PGM2: variants seen among roughly 807,000 people sequenced by gnomAD.
The protein encoded by PGM2 is phosphopentomutase.
Under a neutral mutation model 74.6 loss-of-function variants are expected in PGM2, and 57 were observed. That is an observed-to-expected ratio of 0.76 (90% confidence interval 0.62 to 0.95). The LOEUF (loss-of-function observed/expected upper bound fraction) is 0.95. Among genes scored for constraint, PGM2 ranks in the 40% least tolerant of loss-of-function variants. The pLI is 0.00. For missense variants in PGM2, 706 were observed against 741.9 expected (o/e 0.95, Z 0.56); for synonymous variants, 273 against 260.7 (o/e 1.05, Z -0.46).
intron 6 of PGM2, among the ~76,000 whole-genome samples, chr4:37,841,237 C>T (rs181563137): frequency 5.7e-4 from 83 of 146,276 alleles, no homozygotes; most frequent in African/African-American, 2.0e-3. Context: ...TGGACACCTT[C>T]CTGTGTTAGT....
At chr4:37,838,263 C>T (rs961688526) in intron 4 of PGM2, among the ~76,000 whole-genome samples, 1 of 152,220 alleles carries the variant, frequency 6.6e-6, no homozygotes, top group Non-Finnish European at 1.5e-5. Context: ...AATCTGAATT[C>T]ACCTCAAACC....
At chr4:37,850,450 A>C in intron 12 of PGM2, 77 bp downstream of exon 12, 2 of 891,400 alleles carry the variant, frequency 2.2e-6, no homozygotes, top group Non-Finnish European at 3.2e-6. Context: ...TTATTTAACC[A>C]TACAATTAAT....
intron 6 of PGM2, among the ~76,000 whole-genome samples, chr4:37,841,092 A>ATGTGTG (rs571556915): frequency 2.5e-4 from 28 of 111,656 alleles, no homozygotes; most frequent in African/African-American, 1.1e-3. Flanking sequence ...ATATATATAT[A>ATGTGTG]TATATATATG....
At position 37,847,261 on chromosome 4, in the gene PGM2, G is replaced by A. The variant is rs973902645; in HGVS notation, c.1248G>A (p.Gly416=). The A allele has an allele frequency of 1.2e-6, 2 of 1,613,636 alleles. No individual in the cohort carries two copies. Among genetic ancestry groups the A allele is most frequent in the Non-Finnish European group, 8.5e-7 (1 of 1,179,570 alleles). ...GNRAKQLIDQ[G]KTVLFAFEEA... Reference sequence around the variant, plus strand: ...GAGCCAAACAGCTAATAGACCAGGGGAAAACTGTTTTATTTGCATTTGAAG... The same window carrying A: ...GAGCCAAACAGCTAATAGACCAGGGAAAAACTGTTTTATTTGCATTTGAAG... The change falls in exon 10 of 14, where the codon GGG becomes GGA. Residue 416 remains glycine (G), a synonymous_variant. Coordinates refer to ENST00000381967, the MANE Select transcript of PGM2 (RefSeq NM_018290.4).
In PGM2 at chr4:37,844,416, G is replaced by T; in HGVS notation, c.772G>T (p.Val258Leu). The T allele has an allele frequency of 1.2e-6, 2 of 1,613,814 alleles. No individual in the cohort carries two copies. Among genetic ancestry groups the T allele is most frequent in the South Asian group, 1.1e-5 (1 of 91,066 alleles). The part of the protein sequence containing the change: ...VKFVHTSVHG[V>L]GHSFVQSAFK... ...GTTTGTGCACACCTCTGTCCATGGG[G>T]TGGGTCATAGCTTTGTGCAGTCAGC... Residue 258 changes from valine to leucine, a missense_variant, in exon 7 of 14, where the codon GTG (valine) becomes TTG (leucine). Transcript: ENST00000381967.
chr4:37,835,547 A>G (rs1162931988), intron 3 of PGM2, among the ~76,000 whole-genome samples: 1 of 152,234 alleles, frequency 6.6e-6, no homozygotes, highest in Non-Finnish European at 1.5e-5. Context: ...TTACTTGAAC[A>G]CTTCCTCTGT....
At chr4:37,852,740 C>T (rs559682688) in intron 12 of PGM2, among the ~76,000 whole-genome samples, 48 of 152,246 alleles carry the variant, frequency 3.2e-4, no homozygotes, top group Admixed American at 3.1e-3. Flanking sequence ...TTATTCAGTC[C>T]TTTCCATGCA....
At chr4:37,847,576 G>A (rs953848420) in intron 10 of PGM2, 41 of 378,722 alleles carry the variant, frequency 1.1e-4, no homozygotes, top group African/African-American at 7.1e-4. Context: ...TTTGGGAGTT[G>A]TGATGTTTCC....
At chr4:37,843,770 C>T (rs1725793908) in intron 6 of PGM2, among the ~76,000 whole-genome samples, 1 of 151,956 alleles carries the variant, frequency 6.6e-6, no homozygotes, top group African/African-American at 2.4e-5. Flanking sequence ...CCACCATGCC[C>T]AGCTAATTTT....
intron 2 of PGM2, among the ~76,000 whole-genome samples, chr4:37,833,580 A>G (rs1490120877): frequency 1.3e-5 from 2 of 152,154 alleles, no homozygotes; most frequent in Non-Finnish European, 2.9e-5. Flanking sequence ...AGTTATGTAT[A>G]TTTTAATAAG....
At chr4:37,830,389 AT>A (rs937694725) in intron 2 of PGM2, among the ~76,000 whole-genome samples, 4 of 152,196 alleles carry the variant, frequency 2.6e-5, no homozygotes, top group African/African-American at 9.7e-5. Flanking sequence ...AGCACTGGGG[AT>A]ATAAGAATGA....
At chr4:37,859,334 C>T (rs1250887919) in intron 13 of PGM2, among the ~76,000 whole-genome samples, 1 of 152,104 alleles carries the variant, frequency 6.6e-6, no homozygotes, top group Non-Finnish European at 1.5e-5. Flanking sequence ...CCAACAGAAG[C>T]AGTAGAATGT....
intron 13 of PGM2, among the ~76,000 whole-genome samples, chr4:37,859,267 ACT>A (rs1711675915): frequency 6.6e-6 from 1 of 152,166 alleles, no homozygotes; most frequent in African/African-American, 2.4e-5. Context: ...TCTTAAGAAC[ACT>A]CTCTTAATAT....
At position 37,862,662 on chromosome 4, in the gene PGM2, T is replaced by G. The variant is rs1711817100; in HGVS notation, c.*1050T>G. On this transcript the variant is annotated 3_prime_UTR_variant, in exon 14 of 14. Transcript: ENST00000381967. ...TATACTTTATATATTTTACATTATT[T>G]CTGATTTTTAAAGCAAATGATTGCC... The G allele has an allele frequency of 3.3e-5, 5 of 152,142 alleles. No homozygotes were observed. The allele number at this position is 152,142 out of a possible 1,614,324, so 9.4% of individuals were successfully genotyped here. A position where few individuals can be genotyped will look rare whatever the true frequency, so the allele number is the denominator to read the frequency against.
chr4:37,838,950 C>T (rs929630122), intron 4 of PGM2, among the ~76,000 whole-genome samples: 1 of 152,046 alleles, frequency 6.6e-6, no homozygotes. Flanking sequence ...CTCAGGTTGC[C>T]TGTGTGTAAT....
intron 12 of PGM2, among the ~76,000 whole-genome samples, chr4:37,855,350 T>C (rs1464088363): frequency 1.3e-5 from 2 of 152,220 alleles, no homozygotes; most frequent in African/African-American, 2.4e-5. Context: ...TTCCAGGTTC[T>C]TCCATATTGT....
In PGM2 at chr4:37,826,704, C is replaced by T; in HGVS notation, c.-29C>T. The T allele has an allele frequency of 6.6e-7, 1 of 1,525,540 alleles. No individual in the cohort carries two copies. Among genetic ancestry groups the T allele is most frequent in the Non-Finnish European group, 8.9e-7 (1 of 1,124,206 alleles). 94.5% of individuals were successfully genotyped at this position (1,525,540 alleles called of 1,614,324 possible). A position where few individuals can be genotyped will look rare whatever the true frequency, so the allele number is the denominator to read the frequency against. ...GGAAGGCAGATCTCACCGCCTGCTT[C>T]CCTCTGCAGCGGTAGCACAAGCTCA... On this transcript the variant is annotated 5_prime_UTR_variant, in exon 1 of 14. Coordinates refer to ENST00000381967, the MANE Select transcript of PGM2 (RefSeq NM_018290.4).
intron 6 of PGM2, 77 bp from the exon 7 acceptor site, chr4:37,844,287 T>G (rs910510429): frequency 4.2e-5 from 35 of 838,230 alleles, no homozygotes; most frequent in Non-Finnish European, 6.3e-5. Flanking sequence ...AGTTGTCTTG[T>G]GCATTCTTGC....
chr4:37,832,140 C>A (rs1026754263), intron 2 of PGM2, among the ~76,000 whole-genome samples: 3 of 152,132 alleles, frequency 2.0e-5, no homozygotes, highest in African/African-American at 7.2e-5. Context: ...ACCAGACACC[C>A]CTTGGGATAA....
Sources: allele counts gnomAD v4.1 joint callset (sites outside exome capture counted in the v4.1 genomes callset), GRCh38; gene constraint gnomAD v4.1.1; transcripts MANE v1.5; gene names NCBI Gene and HGNC (gene_info 2026-07-23, HGNC 2026-07-21).